The following ITPKB variants were observed in gnomAD, a reference collection of about 807,000 sequenced individuals.
The protein encoded by ITPKB is IP3 3-kinase B.
ITPKB carries 13 observed loss-of-function variants against 69.4 expected under a neutral mutation model. That is an observed-to-expected ratio of 0.19 (90% confidence interval 0.12 to 0.30). The LOEUF is 0.30. Among genes scored for constraint, ITPKB ranks in the 10% least tolerant of loss-of-function variants. The pLI is 1.00. For missense variants in ITPKB, 1,240 were observed against 1,250.5 expected (o/e 0.99, Z 0.13); for synonymous variants, 584 against 513.7 (o/e 1.14, Z -1.85).
intron 2 of ITPKB, among the ~76,000 whole-genome samples, chr1:226,678,754 T>C (rs1655987839): frequency 6.6e-6 from 1 of 152,246 alleles, no homozygotes; most frequent in South Asian, 2.1e-4. Context: ...GTGAGCTTTT[T>C]ACGTGGTCTT....
At chr1:226,649,839 A>G (rs1335140780) in intron 2 of ITPKB, among the ~76,000 whole-genome samples, 1 of 110,874 alleles carries the variant, frequency 9.0e-6, no homozygotes, top group East Asian at 4.5e-4. Context: ...AACAAACAAA[A>G]CAAAACAAAA....
Position 226,711,430 on chromosome 1 carries a change from AGAGAGAGAGAGAGTGTGT to A in ITPKB, c.1932+24079_1932+24096del, listed in dbSNP as rs1036028609. Reference sequence around the variant, plus strand: ...AAGAGAGAGAGAGAGAGAGAGAGAGAGAGAGAGAGAGAGTGTGTGTGTGTGTGTGTGTGTGTGTTGTGT... The same window carrying A: ...AAGAGAGAGAGAGAGAGAGAGAGAGAGTGTGTGTGTGTGTGTGTGTTGTGT... On this transcript the variant is annotated intron_variant, in intron 2 of 7. Transcript: ENST00000429204. 1.3e-4 allele frequency among the ~76,000 whole-genome samples: 17 copies of A among 128,766 alleles called. No homozygotes were observed. In the South Asian group the frequency reaches 3.2e-3, roughly 24 times the overall value. 84.5% of individuals were successfully genotyped at this position (128,766 alleles called of 152,430 possible).
intron 2 of ITPKB, among the ~76,000 whole-genome samples, chr1:226,691,485 C>T (rs542328057): frequency 3.9e-5 from 6 of 152,130 alleles, no homozygotes; most frequent in Non-Finnish European, 7.4e-5. Context: ...GCACAGAACG[C>T]CTTAGACTGG....
In ITPKB at chr1:226,737,676, A is replaced by G. The variant is rs951405389; in HGVS notation, c.-205-13T>C. ...AACAACCGTGCGGCTGTGGAGATAC[A>G]AGGAGAAAAGTCAGGACCCTGGAGG... On this transcript the variant is annotated splice_polypyrimidine_tract_variant and intron_variant, in intron 1 of 7. Coordinates refer to ENST00000429204, the MANE Select transcript of ITPKB (RefSeq NM_002221.4). The G allele has an allele frequency of 8.2e-6, 8 of 980,670 alleles. No individual in the cohort carries two copies. The highest frequency in any genetic ancestry group is 1.7e-5 in the African/African-American group (1 of 57,486). The allele number at this position is 980,670 out of a possible 1,614,324, so 60.7% of individuals were successfully genotyped here.
At chr1:226,687,841 G>A (rs1656250607) in intron 2 of ITPKB, among the ~76,000 whole-genome samples, 1 of 152,114 alleles carries the variant, frequency 6.6e-6, no homozygotes. Flanking sequence ...TAGGGATGGA[G>A]GTAAAAAGAT....
At chr1:226,671,979 T>C (rs980554561) in intron 2 of ITPKB, among the ~76,000 whole-genome samples, 2 of 152,192 alleles carry the variant, frequency 1.3e-5, no homozygotes, top group Admixed American at 6.5e-5. Context: ...AGGAGTGTCA[T>C]AGTCTGGCTT....
At chr1:226,639,818 C>T (rs375220685) in intron 5 of ITPKB, among the ~76,000 whole-genome samples, 160 bp from the exon 6 acceptor site, 3 of 152,184 alleles carry the variant, frequency 2.0e-5, no homozygotes, top group Non-Finnish European at 4.4e-5. Context: ...ATGGAGGTGG[C>T]GTGCACAGCA....
chr1:226,671,942 T>C (rs1040547890), intron 2 of ITPKB, among the ~76,000 whole-genome samples: 1 of 152,178 alleles, frequency 6.6e-6, no homozygotes, highest in Non-Finnish European at 1.5e-5. Flanking sequence ...GTCAGTGAGA[T>C]AGGAAGCTGC....
chr1:226,666,547 G>A (rs1338310825), intron 2 of ITPKB, among the ~76,000 whole-genome samples: 1 of 152,054 alleles, frequency 6.6e-6, no homozygotes, highest in African/African-American at 2.4e-5. Flanking sequence ...AAATTCCATG[G>A]GAGACCCTAA....
chr1:226,665,815 G>A (rs983210068), intron 2 of ITPKB, among the ~76,000 whole-genome samples: 1 of 152,198 alleles, frequency 6.6e-6, no homozygotes, highest in African/African-American at 2.4e-5. Flanking sequence ...GATGGTTGGC[G>A]TTTGGGACTT....
intron 2 of ITPKB, among the ~76,000 whole-genome samples, chr1:226,728,677 A>G (rs1169908730): frequency 6.6e-6 from 1 of 152,196 alleles, no homozygotes; most frequent in Non-Finnish European, 1.5e-5. Flanking sequence ...AAAGGAAACC[A>G]CTACTACTAC....
At chr1:226,655,687 C>A (rs1669274580) in intron 2 of ITPKB, among the ~76,000 whole-genome samples, 1 of 152,246 alleles carries the variant, frequency 6.6e-6, no homozygotes, top group Admixed American at 6.5e-5. Context: ...GGAGGCCAAG[C>A]CACCCAGGGC....
At chr1:226,716,807 A>C (rs547924824) in intron 2 of ITPKB, among the ~76,000 whole-genome samples, 6 of 152,366 alleles carry the variant, frequency 3.9e-5, no homozygotes, top group African/African-American at 1.4e-4. Context: ...GCCTGTGGTC[A>C]TCTGTCTCCA....
At chr1:226,707,635 T>C (rs1656835591) in intron 2 of ITPKB, 2 of 1,001,316 alleles carry the variant, frequency 2.0e-6, no homozygotes, top group African/African-American at 1.7e-5. Context: ...AGTGTACACA[T>C]GAGTAACTCA....
intron 2 of ITPKB, among the ~76,000 whole-genome samples, chr1:226,720,640 AT>A (rs1221296959): frequency 6.6e-6 from 1 of 152,180 alleles, no homozygotes; most frequent in African/African-American, 2.4e-5. Context: ...TGCTGCTATT[AT>A]TTTTATTATT....
chr1:226,647,493 G>T, intron 3 of ITPKB, 113 bp from the exon 4 acceptor site: 1 of 747,818 alleles, frequency 1.3e-6, no homozygotes, highest in Non-Finnish European at 2.3e-6. Context: ...TGGGGCTGAA[G>T]GTGTGTCTAT....
In ITPKB at chr1:226,637,251, C is replaced by T. The variant is rs1668858454; in HGVS notation, c.2625+428G>A. Among the ~76,000 whole-genome samples the T allele has an allele frequency of 6.6e-6, 1 of 152,194 alleles. No homozygotes were observed. The highest frequency in any genetic ancestry group is 1.5e-5 in the Non-Finnish European group (1 of 68,040). On this transcript the variant is annotated intron_variant, in intron 7 of 7. Coordinates refer to ENST00000429204, the MANE Select transcript of ITPKB (RefSeq NM_002221.4). This position sits in a 1 kb window ranked among gnomAD's most constrained non-coding sequence, Gnocchi z 4.3. Reference sequence around the variant, plus strand: ...CAACGTATGCAAAGTTGGGAGATTCCAGCCCTGCCCGAGAGTGGCACCTGA... The same window carrying T: ...CAACGTATGCAAAGTTGGGAGATTCTAGCCCTGCCCGAGAGTGGCACCTGA...
chr1:226,735,828 C>G lies in ITPKB; in HGVS notation c.1631G>C (p.Ser544Thr). ...CGGATCTTGGGGTAGCAGCTCCGGACTTGGGAGGGCATCACTGTCCTGCCG... is the reference window on the plus strand; with the variant it reads ...CGGATCTTGGGGTAGCAGCTCCGGAGTTGGGAGGGCATCACTGTCCTGCCG... ...SQRQDSDALP[S>T]PELLPQDPDK... is the part of the protein sequence containing the mutation. Residue 544 changes from serine to threonine, a missense_variant, in exon 2 of 8, where the codon AGT becomes ACT. Physicochemically the swap from Ser to Thr is moderately conservative, Grantham distance 58. Around this residue, in one of 2 missense-constraint regions of ITPKB, gnomAD observed 992 missense variants for 853.8 expected, o/e 1.16. Coordinates refer to ENST00000429204, the MANE Select transcript of ITPKB (RefSeq NM_002221.4). 4.4e-6 allele frequency: 7 copies of G among 1,608,984 alleles called. No individual in the cohort carries two copies. The highest frequency in any genetic ancestry group is 5.1e-6 in the Non-Finnish European group (6 of 1,175,998).
At chr1:226,706,716 G>T (rs929442491) in intron 2 of ITPKB, among the ~76,000 whole-genome samples, 1 of 152,202 alleles carries the variant, frequency 6.6e-6, no homozygotes, top group African/African-American at 2.4e-5. Flanking sequence ...TGGGGCCTGT[G>T]GGAGGAGGAG....
Sources: gnomAD v4.1 joint callset for allele counts (sites outside exome capture counted in the v4.1 genomes callset) on GRCh38, gnomAD v4.1.1 for gene constraint, gnomAD v4.1.1 regional missense constraint, Gnocchi (gnomAD v3.1) non-coding constraint, MANE v1.5 for transcripts, NCBI Gene and HGNC (gene_info 2026-07-23, HGNC 2026-07-21) for gene names.